Variants in ROBO1 observed in about 807,000 individuals in gnomAD.
ROBO1 encodes the protein roundabout homolog 1.
In ROBO1, 149 loss-of-function variants were observed where a neutral mutation model predicts 195.9. The ratio of observed to expected loss-of-function variants is 0.76; its 90% CI spans 0.67 to 0.87. ROBO1 has a LOEUF of 0.87. Among genes scored for constraint, ROBO1 ranks in the 40% least tolerant of loss-of-function variants. The probability of loss-of-function intolerance (pLI) is 0.00; values close to 1 mark genes in which losing one functional copy is unlikely to be tolerated. For synonymous variants in ROBO1, 816 were observed against 733.2 expected (o/e 1.11, Z -1.82); for missense variants, 1,933 against 2,068.3 (o/e 0.93, Z 1.27).
chr3:78,894,488 T>C (rs1310939524), intron 4 of ROBO1, among the ~76,000 whole-genome samples: 3 of 152,212 alleles, frequency 2.0e-5, no homozygotes, highest in Non-Finnish European at 4.4e-5. Flanking sequence ...ATGTTTAATG[T>C]ATTCATGAAC....
At chr3:79,005,057 A>G (rs1006651634) in intron 3 of ROBO1, among the ~76,000 whole-genome samples, 3 of 152,336 alleles carry the variant, frequency 2.0e-5, no homozygotes, top group African/African-American at 7.2e-5. Flanking sequence ...CTGCCTTTTC[A>G]AATAACGAAG....
chr3:79,550,274 C>T (rs1357939140), intron 2 of ROBO1, among the ~76,000 whole-genome samples: 1 of 150,032 alleles, frequency 6.7e-6, no homozygotes, highest in Non-Finnish European at 1.5e-5. Context: ...GATATATAAG[C>T]AGTTTTCTTT....
chr3:79,186,370 A>G (rs1353504387), intron 2 of ROBO1, among the ~76,000 whole-genome samples: 1 of 152,052 alleles, frequency 6.6e-6, no homozygotes, highest in Non-Finnish European at 1.5e-5. Context: ...ACACATAAAT[A>G]TATTTGTAGA....
At chr3:79,047,815 A>G (rs1193489008) in intron 3 of ROBO1, among the ~76,000 whole-genome samples, 1 of 152,122 alleles carries the variant, frequency 6.6e-6, no homozygotes, top group South Asian at 2.1e-4. Context: ...TCCTAGAAGA[A>G]AGATGAGGAG....
At chr3:79,129,285 T>C (rs980774685) in intron 2 of ROBO1, among the ~76,000 whole-genome samples, 8 of 152,158 alleles carry the variant, frequency 5.3e-5, no homozygotes, top group Admixed American at 1.3e-4. Context: ...TGAAATCTGA[T>C]CTATAGGCTT....
intron 2 of ROBO1, among the ~76,000 whole-genome samples, chr3:79,204,543 A>G (rs2081830712): frequency 6.6e-6 from 1 of 151,854 alleles, no homozygotes; most frequent in South Asian, 2.1e-4. Flanking sequence ...CTGTGTGAGG[A>G]TTTTTCCGAG....
At chr3:79,616,618 A>T (rs1366376492) in intron 1 of ROBO1, among the ~76,000 whole-genome samples, 3 of 152,118 alleles carry the variant, frequency 2.0e-5, no homozygotes, top group Non-Finnish European at 4.4e-5. Flanking sequence ...CCTGGTGCAG[A>T]TCAATGAAAA....
intron 2 of ROBO1, among the ~76,000 whole-genome samples, chr3:79,322,633 C>T (rs1470898566): frequency 6.6e-6 from 1 of 152,142 alleles, no homozygotes; most frequent in African/African-American, 2.4e-5. Flanking sequence ...AATTTATTTC[C>T]TATATATGGA....
intron 2 of ROBO1, among the ~76,000 whole-genome samples, chr3:79,484,503 ATG>A (rs201217356): frequency 6.8e-4 from 103 of 151,838 alleles, no homozygotes; most frequent in African/African-American, 1.7e-3. Context: ...ATATATATAT[ATG>A]TGTGTGTGTG....
intron 4 of ROBO1, among the ~76,000 whole-genome samples, chr3:78,932,891 T>G (rs1291278761): frequency 6.6e-6 from 1 of 152,150 alleles, no homozygotes; most frequent in Non-Finnish European, 1.5e-5. Context: ...TTTTAGAATT[T>G]TTTTATAAAA....
intron 4 of ROBO1, among the ~76,000 whole-genome samples, chr3:78,850,780 CT>C (rs1435258236): frequency 6.6e-6 from 1 of 151,664 alleles, no homozygotes; most frequent in Non-Finnish European, 1.5e-5. Flanking sequence ...CTGTTATTTT[CT>C]TTCTTTTCTT....
At chr3:78,865,124 A>G (rs576494265) in intron 4 of ROBO1, among the ~76,000 whole-genome samples, 1 of 152,278 alleles carries the variant, frequency 6.6e-6, no homozygotes, top group African/African-American at 2.4e-5. Context: ...TTAGATCAGG[A>G]TGTATGTCTT....
At chr3:78,930,947 C>A (rs1006467301) in intron 4 of ROBO1, among the ~76,000 whole-genome samples, 3 of 152,158 alleles carry the variant, frequency 2.0e-5, no homozygotes, top group African/African-American at 7.2e-5. Flanking sequence ...TCAGCTCTGA[C>A]TAAATTCCTT....
intron 4 of ROBO1, among the ~76,000 whole-genome samples, chr3:78,883,292 A>G (rs943045373): frequency 5.3e-5 from 8 of 152,122 alleles, no homozygotes; most frequent in African/African-American, 1.4e-4. Context: ...TATACTTGTA[A>G]AATGTACTGA....
chr3:78,991,370 T>C (rs2077233574), intron 3 of ROBO1, among the ~76,000 whole-genome samples: 1 of 152,066 alleles, frequency 6.6e-6, no homozygotes, highest in Non-Finnish European at 1.5e-5. Context: ...GAAACCAAGA[T>C]CCAAAGTCAG....
intron 2 of ROBO1, among the ~76,000 whole-genome samples, chr3:79,219,385 A>G (rs568159518): frequency 6.6e-6 from 1 of 152,174 alleles, no homozygotes; most frequent in South Asian, 2.1e-4. Flanking sequence ...GTAGGCAAGG[A>G]CTTTTTAATG....
At chr3:79,703,211 T>C (rs933708831) in intron 1 of ROBO1, among the ~76,000 whole-genome samples, 1 of 151,946 alleles carries the variant, frequency 6.6e-6, no homozygotes, top group African/African-American at 2.4e-5. Flanking sequence ...TCCTAACATA[T>C]AACATATGAA....
At chr3:79,019,113 G>T (rs1576576370) in intron 3 of ROBO1, 2 of 987,322 alleles carry the variant, frequency 2.0e-6, no homozygotes, top group Non-Finnish European at 2.4e-6. Flanking sequence ...CTTGGGGGAT[G>T]CGGAGGGTAC....
intron 8 of ROBO1, among the ~76,000 whole-genome samples, chr3:78,709,339 T>C (rs563731776): frequency 6.6e-6 from 1 of 151,798 alleles, no homozygotes; most frequent in South Asian, 2.1e-4. Flanking sequence ...GTTTCAATAA[T>C]ATACCAATAT....
Sources: gnomAD v4.1 joint callset for allele counts (sites outside exome capture counted in the v4.1 genomes callset) on GRCh38, gnomAD v4.1.1 for gene constraint, MANE v1.5 for transcripts, NCBI Gene and HGNC (gene_info 2026-07-23, HGNC 2026-07-21) for gene names.